The following NT5C2 variants were observed in gnomAD, a reference collection of about 807,000 sequenced individuals.
The protein encoded by NT5C2 is 5'-nucleotidase, cytosolic II.
Under a neutral mutation model 76.1 loss-of-function variants are expected in NT5C2, and 58 were observed. The observed-to-expected ratio is 0.76, with a 90% CI of 0.62 to 0.95. The LOEUF (loss-of-function observed/expected upper bound fraction) is 0.95, where lower values mean the gene tolerates loss of function less well. Ranked by LOEUF, NT5C2 falls within the 40% of genes least tolerant of loss-of-function variation. The probability of loss-of-function intolerance (pLI) is 0.00; values close to 1 mark genes in which losing one functional copy is unlikely to be tolerated. For synonymous variants in NT5C2, 229 were observed against 237.4 expected, an observed-to-expected ratio of 0.96 and a Z score of 0.32; for missense variants, 478 against 690.3, an observed-to-expected ratio of 0.69 and a Z score of 3.45.
intron 3 of NT5C2, among the ~76,000 whole-genome samples, chr10:103,150,706 A>G (rs529825972): frequency 6.6e-6 from 1 of 152,272 alleles, no homozygotes; most frequent in Non-Finnish European, 1.5e-5. Flanking sequence ...GTATCTCACT[A>G]TAGTTTTAAT....
chr10:103,123,340 G>T (rs760268373), intron 4 of NT5C2, among the ~76,000 whole-genome samples: 1 of 151,946 alleles, frequency 6.6e-6, no homozygotes, highest in Non-Finnish European at 1.5e-5. Context: ...GTGCAGGTTT[G>T]TTACACAGGT....
chr10:103,116,362 A>C (rs915031005), intron 4 of NT5C2, among the ~76,000 whole-genome samples: 2 of 152,188 alleles, frequency 1.3e-5, no homozygotes, highest in Non-Finnish European at 2.9e-5. Flanking sequence ...GAAAGTTTTA[A>C]CATTGTTCTT....
chr10:103,148,061 T>C (rs188905803), intron 3 of NT5C2, among the ~76,000 whole-genome samples: 2 of 152,260 alleles, frequency 1.3e-5, no homozygotes, highest in East Asian at 3.9e-4. Context: ...GTAAAAAGTA[T>C]GCTTAATGAT....
In NT5C2 at chr10:103,089,113, C is replaced by T; in HGVS notation, c.*559G>A. The T allele has an allele frequency of 4.4e-6, 1 of 227,434 alleles. No individual in the cohort carries two copies. Among genetic ancestry groups the T allele is most frequent in the Non-Finnish European group, 8.7e-6 (1 of 114,480 alleles). The allele number at this position is 227,434 out of a possible 1,614,324, so 14.1% of individuals were successfully genotyped here. The stretch of plus-strand genomic sequence containing the variant: ...AGTAGAGCATACTTCTGTGCAAAGC[C>T]AGTGATAGAGAAGCAGCCTTGCCAG... On this transcript the variant is annotated 3_prime_UTR_variant, in exon 19 of 19. Coordinates refer to ENST00000404739, the MANE Select transcript of NT5C2 (RefSeq NM_001351169.2).
At chr10:103,106,560 C>T in intron 5 of NT5C2, 29 bp downstream of exon 5, 1 of 1,419,422 alleles carries the variant, frequency 7.0e-7, no homozygotes, top group African/African-American at 1.4e-5. Flanking sequence ...TTAATCTAGT[C>T]TTAATCCAAA....
At chr10:103,152,967 C>T (rs923794813) in intron 3 of NT5C2, among the ~76,000 whole-genome samples, 1 of 152,192 alleles carries the variant, frequency 6.6e-6, no homozygotes, top group Non-Finnish European at 1.5e-5. Context: ...CTCAATTCTT[C>T]GGTAAACCAC....
intron 4 of NT5C2, chr10:103,125,154 G>A: frequency 1.8e-6 from 1 of 563,538 alleles, no homozygotes; most frequent in Admixed American, 2.5e-5. Context: ...CATTTTTCTA[G>A]ATCTTTGAGT....
At chr10:103,140,717 A>G (rs1368051011) in intron 3 of NT5C2, among the ~76,000 whole-genome samples, 1 of 152,220 alleles carries the variant, frequency 6.6e-6, no homozygotes, top group East Asian at 1.9e-4. Context: ...TTTTGATAAA[A>G]GGCATTCTAA....
chr10:103,190,145 C>T (rs896261882), intron 1 of NT5C2, among the ~76,000 whole-genome samples: 1 of 150,788 alleles, frequency 6.6e-6, no homozygotes, highest in African/African-American at 2.4e-5. Context: ...GGATTACAGG[C>T]ATGCGCTACC....
At chr10:103,136,195 G>C (rs913000470) in intron 4 of NT5C2, among the ~76,000 whole-genome samples, 1 of 152,080 alleles carries the variant, frequency 6.6e-6, no homozygotes, top group Non-Finnish European at 1.5e-5. Context: ...TGAAAATCTC[G>C]ATAAACTGTC....
intron 3 of NT5C2, among the ~76,000 whole-genome samples, chr10:103,172,729 A>T (rs2088533534): frequency 6.6e-6 from 1 of 152,014 alleles, no homozygotes; most frequent in Non-Finnish European, 1.5e-5. Context: ...CAGCTACCAG[A>T]GAGGCTGAGG....
At chr10:103,102,586 G>A (rs1457382105) in intron 6 of NT5C2, among the ~76,000 whole-genome samples, 2 of 151,476 alleles carry the variant, frequency 1.3e-5, no homozygotes, top group Admixed American at 1.3e-4. Flanking sequence ...GAGTGCAGTG[G>A]CGTGATCTCA....
At chr10:103,183,314 CT>C (rs1242212022) in intron 1 of NT5C2, among the ~76,000 whole-genome samples, 1 of 90,648 alleles carries the variant, frequency 1.1e-5, no homozygotes, top group Non-Finnish European at 2.1e-5. Flanking sequence ...CTTCCCTCCC[CT>C]CTTTCCTGAA....
At chr10:103,153,635 A>G (rs1160051638) in intron 3 of NT5C2, 2 of 985,322 alleles carry the variant, frequency 2.0e-6, no homozygotes, top group African/African-American at 3.5e-5. Context: ...CGTTACTGGC[A>G]AACACAGAAA....
At chr10:103,125,574 T>A (rs1446534173) in intron 4 of NT5C2, among the ~76,000 whole-genome samples, 2 of 152,198 alleles carry the variant, frequency 1.3e-5, no homozygotes, top group Non-Finnish European at 2.9e-5. Flanking sequence ...CACGAGGAGA[T>A]AATGTTAAGG....
intron 1 of NT5C2, among the ~76,000 whole-genome samples, chr10:103,183,285 A>C (rs1564653537): frequency 2.3e-5 from 3 of 129,708 alleles, no homozygotes; most frequent in Non-Finnish European, 4.8e-5. Context: ...ATATATATAT[A>C]TATATATATC....
intron 3 of NT5C2, chr10:103,153,353 G>A (rs960784104): frequency 7.1e-6 from 9 of 1,270,174 alleles, no homozygotes; most frequent in Non-Finnish European, 9.2e-6. Context: ...CAACAAACAA[G>A]CTTCACTGAT....
At chr10:103,093,363 TC>T in intron 14 of NT5C2, 54 bp from the exon 15 acceptor site, 2 of 1,415,542 alleles carry the variant, frequency 1.4e-6, no homozygotes, top group African/African-American at 1.5e-5. Flanking sequence ...AAATCAGCAT[TC>T]CAATAGTATT....
In NT5C2 at chr10:103,172,231, A is replaced by T. The variant is rs957394230; in HGVS notation, c.101+2627T>A. Reference sequence around the variant, plus strand: ...AAAAATAAAAAACAAAAATTTAAATACAATTTTAACTTTAAATTTTTTTTT... The same window carrying T: ...AAAAATAAAAAACAAAAATTTAAATTCAATTTTAACTTTAAATTTTTTTTT... On this transcript the variant is annotated intron_variant, in intron 3 of 18. Coordinates refer to ENST00000404739, the MANE Select transcript of NT5C2 (RefSeq NM_001351169.2). Among the ~76,000 whole-genome samples the T allele has an allele frequency of 4.3e-4, 65 of 150,940 alleles. 1 individual carries two copies. The highest frequency in any genetic ancestry group is 1.5e-3 in the African/African-American group (62 of 41,030).
Sources: allele counts gnomAD v4.1 joint callset (sites outside exome capture counted in the v4.1 genomes callset), GRCh38; gene constraint gnomAD v4.1.1; transcripts MANE v1.5; gene names NCBI Gene and HGNC (gene_info 2026-07-23, HGNC 2026-07-21).